Variants in ROBO1 observed in about 807,000 individuals in gnomAD.
ROBO1 encodes roundabout homolog 1.
A neutral mutation model predicts 195.9 loss-of-function variants in ROBO1; 149 were observed. The observed-to-expected ratio is 0.76, with a 90% confidence interval of 0.67 to 0.87. ROBO1 has a LOEUF of 0.87. ROBO1 is among the 40% of genes least tolerant of loss of function. The pLI is 0.00. For synonymous variants in ROBO1, 816 were observed against 733.2 expected (o/e 1.11, Z -1.82); for missense variants, 1,933 against 2,068.3 (o/e 0.93, Z 1.27).
chr3:79,306,817 T>C (rs1330777678), intron 2 of ROBO1, among the ~76,000 whole-genome samples: 2 of 152,214 alleles, frequency 1.3e-5, no homozygotes, highest in African/African-American at 4.8e-5. Flanking sequence ...TTGTTTGCAT[T>C]TTAAATTTTG....
At chr3:78,791,802 C>A (rs967262538) in intron 4 of ROBO1, among the ~76,000 whole-genome samples, 1 of 152,214 alleles carries the variant, frequency 6.6e-6, no homozygotes, top group Non-Finnish European at 1.5e-5. Flanking sequence ...AAAAGTGCTA[C>A]GTAGCAATGT....
At chr3:78,710,457 A>T (rs1559771376) in intron 8 of ROBO1, among the ~76,000 whole-genome samples, 2 of 152,224 alleles carry the variant, frequency 1.3e-5, no homozygotes, top group South Asian at 4.1e-4. Context: ...ATTATCTAAA[A>T]CTACTATTTT....
intron 4 of ROBO1, among the ~76,000 whole-genome samples, chr3:78,847,837 C>T (rs2106823713): frequency 1.3e-5 from 2 of 152,252 alleles, no homozygotes; most frequent in East Asian, 3.9e-4. Flanking sequence ...TGCAATGAGT[C>T]AGGCTTTCAG....
At chr3:79,479,372 C>T (rs1311919831) in intron 2 of ROBO1, among the ~76,000 whole-genome samples, 1 of 152,296 alleles carries the variant, frequency 6.6e-6, no homozygotes, top group Non-Finnish European at 1.5e-5. Flanking sequence ...ATAGGGTTCA[C>T]ATTCCTATGA....
chr3:78,598,823 G>T lies in ROBO1; in HGVS notation c.*90C>A. On this transcript the variant is annotated 3_prime_UTR_variant, in exon 31 of 31. Coordinates refer to ENST00000464233, the MANE Select transcript of ROBO1 (RefSeq NM_002941.4). ...ACAATTTGTACACTCTGATTGCACT[G>T]AACATTTTATCTGGCGTCATGTGTC... 1 of 805,586 alleles carries T rather than the reference G, an allele frequency of 1.2e-6. No homozygotes were observed. Among genetic ancestry groups the T allele is most frequent in the Non-Finnish European group, 2.0e-6 (1 of 503,856 alleles). 49.9% of individuals were successfully genotyped at this position (805,586 alleles called of 1,614,324 possible). A position where few individuals can be genotyped will look rare whatever the true frequency, so the allele number is the denominator to read the frequency against.
chr3:79,743,607 CTT>C (rs1208028373), intron 1 of ROBO1, among the ~76,000 whole-genome samples: 3 of 152,120 alleles, frequency 2.0e-5, no homozygotes, highest in Admixed American at 6.6e-5. Context: ...TCTTTGTAAA[CTT>C]TTCAATATGA....
At chr3:79,451,035 C>T (rs2039425504) in intron 2 of ROBO1, among the ~76,000 whole-genome samples, 1 of 151,732 alleles carries the variant, frequency 6.6e-6, no homozygotes, top group Non-Finnish European at 1.5e-5. Context: ...TTTGTATTTT[C>T]TCCTTTCTTT....
intron 1 of ROBO1, among the ~76,000 whole-genome samples, chr3:79,717,577 CA>C (rs1373893866): frequency 5.9e-5 from 9 of 151,982 alleles, no homozygotes; most frequent in Admixed American, 5.9e-4. Context: ...GAGAAAACAT[CA>C]TTTTCCCCAA....
At chr3:78,882,993 A>T (rs557227508) in intron 4 of ROBO1, among the ~76,000 whole-genome samples, 27 of 151,634 alleles carry the variant, frequency 1.8e-4, no homozygotes, top group Admixed American at 3.9e-4. Flanking sequence ...TTGTATTTTT[A>T]GTAGAGATGG....
Position 78,641,602 on chromosome 3 carries a change from TTTTA to T in ROBO1, c.2883-1708_2883-1705del, listed in dbSNP as rs1193186565. On this transcript the variant is annotated intron_variant, in intron 21 of 30. Transcript: ENST00000464233. ...CATCTAGTAATCTTTTGCTTTCTTA[TTTTA>T]TTTTTCTTTGAACTTAAACTATGAA... is the stretch of plus-strand genomic sequence containing the variant. 3.3e-5 allele frequency among the ~76,000 whole-genome samples: 5 copies of T among 152,324 alleles called. 1 individual carries two copies. The East Asian group carries it at 5.8e-4, about 18-fold the overall frequency.
intron 4 of ROBO1, among the ~76,000 whole-genome samples, chr3:78,831,635 A>G (rs2032218479): frequency 6.6e-6 from 1 of 152,174 alleles, no homozygotes; most frequent in Non-Finnish European, 1.5e-5. Context: ...CCATTCACTA[A>G]AAGTGTGTGG....
intron 4 of ROBO1, among the ~76,000 whole-genome samples, chr3:78,937,072 GTTACT>G (rs955705231): frequency 3.0e-4 from 46 of 152,030 alleles, no homozygotes; most frequent in African/African-American, 1.0e-3. Flanking sequence ...GTTTAAAATG[GTTACT>G]TTAATTTTTA....
intron 28 of ROBO1, among the ~76,000 whole-genome samples, chr3:78,613,777 G>C (rs1285328095): frequency 1.3e-5 from 2 of 152,092 alleles, no homozygotes; most frequent in Non-Finnish European, 2.9e-5. Flanking sequence ...ATAATATTAG[G>C]CTTTCATATG....
chr3:79,091,470 A>C (rs765972356), intron 3 of ROBO1, among the ~76,000 whole-genome samples: 3 of 152,178 alleles, frequency 2.0e-5, no homozygotes, highest in Admixed American at 6.6e-5. Context: ...TTCATTCCTT[A>C]AACACATACA....
intron 1 of ROBO1, among the ~76,000 whole-genome samples, chr3:79,650,911 A>G (rs1010589215): frequency 1.3e-5 from 2 of 152,020 alleles, no homozygotes; most frequent in Non-Finnish European, 2.9e-5. Flanking sequence ...ATAACATGTT[A>G]TTAAATAATT....
At chr3:79,624,611 T>A (rs1945111663) in intron 1 of ROBO1, among the ~76,000 whole-genome samples, 1 of 151,862 alleles carries the variant, frequency 6.6e-6, no homozygotes, top group Admixed American at 6.6e-5. Context: ...AAGGGCATTA[T>A]ATAATGGAAA....
In ROBO1 at chr3:78,617,781, T is replaced by C. The variant is rs776409494; in HGVS notation, c.4136A>G (p.Glu1379Gly). The C allele has an allele frequency of 1.9e-6, 3 of 1,613,798 alleles. No individual in the cohort carries two copies. The highest frequency in any genetic ancestry group is 2.5e-6 in the Non-Finnish European group (3 of 1,179,872). The change falls in exon 27 of 31, where the codon GAG becomes GGG. Residue 1379 changes from glutamate (E) to glycine (G), a missense_variant. Transcript: ENST00000464233. The stretch of plus-strand genomic sequence containing the variant: ...GCGTCCGCTGGAAATGTTGTCCTCC[T>C]CTGAGGCTGAGCCCCAGCCGTTGAT... ...SMINGWGSAS[E>G]EDNISSGRSS...
chr3:78,617,176 T>G (rs1319750838), intron 27 of ROBO1, among the ~76,000 whole-genome samples: 2 of 152,166 alleles, frequency 1.3e-5, no homozygotes, highest in African/African-American at 4.8e-5. Context: ...CTTGGATATT[T>G]ATGTATTTTC....
intron 4 of ROBO1, among the ~76,000 whole-genome samples, chr3:78,873,653 T>C (rs990983575): frequency 2.6e-5 from 4 of 152,168 alleles, no homozygotes; most frequent in African/African-American, 9.6e-5. Flanking sequence ...GGAATACTTC[T>C]TCAACAACTA....
Sources: allele counts gnomAD v4.1 joint callset (sites outside exome capture counted in the v4.1 genomes callset), GRCh38; gene constraint gnomAD v4.1.1; transcripts MANE v1.5; gene names NCBI Gene and HGNC (gene_info 2026-07-23, HGNC 2026-07-21).